Variants in MVB12B observed in about 807,000 individuals in gnomAD.
The protein encoded by MVB12B is ESCRT-I complex subunit MVB12B.
In MVB12B, 16 loss-of-function variants were observed where a neutral mutation model predicts 41.6. The ratio of observed to expected loss-of-function variants is 0.38; its 90% CI spans 0.26 to 0.58. The LOEUF is 0.58. Ranked by LOEUF, MVB12B falls within the 20% of genes least tolerant of loss-of-function variation. The probability of loss-of-function intolerance (pLI) is 0.62; values close to 1 mark genes in which losing one functional copy is unlikely to be tolerated. For synonymous variants in MVB12B, 133 were observed against 139.7 expected, an observed-to-expected ratio of 0.95 and a Z score of 0.34; for missense variants, 274 against 380.2, an observed-to-expected ratio of 0.72 and a Z score of 2.32.
chr9:126,454,470 A>C (rs533778560), intron 7 of MVB12B, among the ~76,000 whole-genome samples: 1 of 152,368 alleles, frequency 6.6e-6, no homozygotes, highest in Non-Finnish European at 1.5e-5. Flanking sequence ...CTCTGCAGCT[A>C]ATCCCATTGA....
chr9:126,357,679 GTTAT>G (rs963780407), intron 2 of MVB12B, among the ~76,000 whole-genome samples: 9 of 151,818 alleles, frequency 5.9e-5, no homozygotes, highest in African/African-American at 1.7e-4. Flanking sequence ...TTTTCACTGG[GTTAT>G]TTGTCTTATT....
At chr9:126,382,662 G>A (rs1830669080) in intron 3 of MVB12B, among the ~76,000 whole-genome samples, 1 of 152,106 alleles carries the variant, frequency 6.6e-6, no homozygotes, top group African/African-American at 2.4e-5. Flanking sequence ...GGCCGAAGAG[G>A]CTTCAGTTAA....
intron 9 of MVB12B, among the ~76,000 whole-genome samples, chr9:126,498,777 C>T (rs1420005513): frequency 3.3e-5 from 5 of 152,226 alleles, no homozygotes; most frequent in African/African-American, 9.6e-5. Flanking sequence ...TCGTCTGGAG[C>T]CCTCTAGAGT....
intron 1 of MVB12B, among the ~76,000 whole-genome samples, chr9:126,334,062 C>T (rs1159810165): frequency 6.6e-6 from 1 of 152,198 alleles, no homozygotes; most frequent in Non-Finnish European, 1.5e-5. Context: ...TTTTAACGAC[C>T]TCTTCTGGTG....
At chr9:126,359,398 G>C (rs550935969) in intron 2 of MVB12B, among the ~76,000 whole-genome samples, 2 of 152,088 alleles carry the variant, frequency 1.3e-5, no homozygotes, top group African/African-American at 2.4e-5. Context: ...TTTAGTATTA[G>C]GGTAATACTG....
At chr9:126,356,125 TTTCC>T (rs1392158218) in intron 2 of MVB12B, among the ~76,000 whole-genome samples, 2 of 152,210 alleles carry the variant, frequency 1.3e-5, no homozygotes, top group Non-Finnish European at 2.9e-5. Context: ...GCTAGAACTA[TTTCC>T]TTCCTTCTCC....
intron 2 of MVB12B, among the ~76,000 whole-genome samples, chr9:126,373,869 A>AG (rs1276188166): frequency 6.6e-6 from 1 of 152,258 alleles, no homozygotes; most frequent in East Asian, 1.9e-4. Context: ...GGGAAAAAAA[A>AG]GAACATTAAA....
chr9:126,334,559 C>T (rs1829225112), intron 1 of MVB12B, among the ~76,000 whole-genome samples: 1 of 152,238 alleles, frequency 6.6e-6, no homozygotes, highest in Admixed American at 6.5e-5. Flanking sequence ...TCAGGGCAAG[C>T]TGTGACTCCT....
At chr9:126,344,365 A>G (rs904569605) in intron 2 of MVB12B, among the ~76,000 whole-genome samples, 3 of 152,276 alleles carry the variant, frequency 2.0e-5, no homozygotes, top group South Asian at 2.1e-4. Context: ...GACAGCATGA[A>G]CCCCTTGCAT....
chr9:126,483,959 A>T lies in MVB12B; in HGVS notation c.814-14A>T. The T allele has an allele frequency of 6.2e-7, 1 of 1,614,006 alleles. No individual in the cohort carries two copies. Among genetic ancestry groups the T allele is most frequent in the Non-Finnish European group, 8.5e-7 (1 of 1,179,922 alleles). ...TCCAGCTATTTAAAAGGGCAACTTC[A>T]TCTGTGTTTTCAGATGCAGCCCTTT... On this transcript the variant is annotated splice_polypyrimidine_tract_variant and intron_variant, in intron 8 of 9. Transcript: ENST00000361171.
intron 2 of MVB12B, among the ~76,000 whole-genome samples, chr9:126,378,197 C>T (rs556341063): frequency 6.6e-5 from 10 of 152,318 alleles, no homozygotes; most frequent in Admixed American, 3.3e-4. Context: ...TCTGCAGTGC[C>T]GCCAGGTGGG....
chr9:126,438,277 C>T (rs1832540854), intron 7 of MVB12B, among the ~76,000 whole-genome samples: 1 of 152,098 alleles, frequency 6.6e-6, no homozygotes, highest in Admixed American at 6.6e-5. Context: ...GAAGGAAAAA[C>T]CCAGATAATC....
chr9:126,501,339 A>G (rs1162847599), intron 9 of MVB12B, among the ~76,000 whole-genome samples: 1 of 152,160 alleles, frequency 6.6e-6, no homozygotes, highest in Non-Finnish European at 1.5e-5. Context: ...CTGAGAGATG[A>G]GTTCACTGAG....
chr9:126,394,523 TTCAGAACTC>T (rs960766968), intron 5 of MVB12B, among the ~76,000 whole-genome samples: 4 of 152,238 alleles, frequency 2.6e-5, no homozygotes, highest in Non-Finnish European at 5.9e-5. Context: ...GAATTCAGTA[TTCAGAACTC>T]TAAGTCACTT....
rs145360688 is a variant in MVB12B, at chr9:126,347,276, G to A, written c.204+6646G>A. 6.6e-5 allele frequency among the ~76,000 whole-genome samples: 10 copies of A among 152,340 alleles called. No individual in the cohort carries two copies. In the East Asian group the frequency reaches 1.9e-3, roughly 29 times the overall value. On this transcript the variant is annotated intron_variant, in intron 2 of 9. Transcript: ENST00000361171. ...CTGTCCTGCCCCTGCACGCTGGGAAGCCAGCCTTGGGCTCGGCCTGTGCGG... is the reference window on the plus strand; with the variant it reads ...CTGTCCTGCCCCTGCACGCTGGGAAACCAGCCTTGGGCTCGGCCTGTGCGG...
chr9:126,450,469 G>T (rs915172384), intron 7 of MVB12B, among the ~76,000 whole-genome samples: 1 of 152,224 alleles, frequency 6.6e-6, no homozygotes, highest in Non-Finnish European at 1.5e-5. Flanking sequence ...TGTCACAGCA[G>T]CCTTGTGGAC....
intron 1 of MVB12B, among the ~76,000 whole-genome samples, chr9:126,327,540 C>T (rs1346570324): frequency 1.3e-5 from 2 of 152,102 alleles, no homozygotes; most frequent in Non-Finnish European, 2.9e-5. Context: ...CCTGGGTACC[C>T]GAGACCCAGA....
At chr9:126,492,872 TC>T (rs1214463811) in intron 9 of MVB12B, among the ~76,000 whole-genome samples, 1 of 152,184 alleles carries the variant, frequency 6.6e-6, no homozygotes, top group Non-Finnish European at 1.5e-5. Flanking sequence ...TGGCCACTCT[TC>T]AAGTTGAACA....
At chr9:126,446,738 A>C (rs1832777366) in intron 7 of MVB12B, among the ~76,000 whole-genome samples, 1 of 151,852 alleles carries the variant, frequency 6.6e-6, no homozygotes, top group African/African-American at 2.4e-5. Context: ...ATTTTACTTA[A>C]GAGTTTGTAT....
Sources: gnomAD v4.1 joint callset for allele counts (sites outside exome capture counted in the v4.1 genomes callset) on GRCh38, gnomAD v4.1.1 for gene constraint, MANE v1.5 for transcripts, NCBI Gene and HGNC (gene_info 2026-07-23, HGNC 2026-07-21) for gene names.